The following RHOT1 variants were observed in gnomAD, a reference collection of about 807,000 sequenced individuals.
RHOT1 encodes mitochondrial Rho GTPase 1.
Under a neutral mutation model 95.3 loss-of-function variants are expected in RHOT1, and 27 were observed. The ratio of observed to expected loss-of-function variants is 0.28; its 90% CI spans 0.21 to 0.39. The LOEUF (loss-of-function observed/expected upper bound fraction) is 0.39, where lower values mean the gene tolerates loss of function less well. Ranked by LOEUF, RHOT1 falls within the 10% of genes least tolerant of loss-of-function variation. The pLI is 1.00. For missense variants in RHOT1, 578 were observed against 786.7 expected (o/e 0.73, Z 3.17); for synonymous variants, 227 against 263.5 (o/e 0.86, Z 1.34).
At chr17:32,189,142 C>A (rs2036273706) in intron 8 of RHOT1, among the ~76,000 whole-genome samples, 1 of 151,908 alleles carries the variant, frequency 6.6e-6, no homozygotes, top group African/African-American at 2.4e-5. Context: ...ACTAAAAATA[C>A]AAAAAAATTA....
intron 1 of RHOT1, among the ~76,000 whole-genome samples, chr17:32,168,942 G>A (rs1182978194): frequency 1.3e-5 from 2 of 152,126 alleles, no homozygotes; most frequent in African/African-American, 4.8e-5. Context: ...TGGATTCACG[G>A]ACATCATCAG....
intron 8 of RHOT1, among the ~76,000 whole-genome samples, chr17:32,186,904 C>G (rs1049149074): frequency 6.6e-6 from 1 of 152,186 alleles, no homozygotes; most frequent in African/African-American, 2.4e-5. Flanking sequence ...TCAAACAGTC[C>G]TTCTGCCCCA....
chr17:32,171,181 T>C (rs2034541166), intron 2 of RHOT1, 80 bp downstream of exon 2: 1 of 996,996 alleles, frequency 1.0e-6, no homozygotes, highest in Non-Finnish European at 1.5e-6. Flanking sequence ...CTGTCTCTTT[T>C]GGCATGTGTT....
chr17:32,158,710 A>G (rs1378188465), intron 1 of RHOT1, among the ~76,000 whole-genome samples: 3 of 152,024 alleles, frequency 2.0e-5, no homozygotes, highest in African/African-American at 7.2e-5. Flanking sequence ...CGCCCACCTC[A>G]GCCTCCCAAA....
intron 1 of RHOT1, among the ~76,000 whole-genome samples, chr17:32,154,457 G>T (rs2032710097): frequency 6.6e-6 from 1 of 151,426 alleles, no homozygotes; most frequent in Non-Finnish European, 1.5e-5. Context: ...TGTGGTGGCA[G>T]GCGCCTGTAG....
chr17:32,144,674 T>C (rs1328921447), intron 1 of RHOT1, among the ~76,000 whole-genome samples: 1 of 151,492 alleles, frequency 6.6e-6, no homozygotes, highest in Non-Finnish European at 1.5e-5. Flanking sequence ...TGTAGTGAGA[T>C]CCTGTCTCTA....
At chr17:32,165,733 G>A (rs983331876) in intron 1 of RHOT1, among the ~76,000 whole-genome samples, 1 of 151,946 alleles carries the variant, frequency 6.6e-6, no homozygotes, top group African/African-American at 2.4e-5. Flanking sequence ...TCCAAATAAT[G>A]ACAAACCATA....
intron 11 of RHOT1, among the ~76,000 whole-genome samples, 174 bp from the exon 12 acceptor site, chr17:32,198,773 G>A (rs1187063233): frequency 6.6e-6 from 1 of 152,206 alleles, no homozygotes; most frequent in Non-Finnish European, 1.5e-5. Flanking sequence ...TGACTCTTCT[G>A]AAGAGTGCCA....
chr17:32,195,136 T>C (rs1368345085), intron 11 of RHOT1, among the ~76,000 whole-genome samples: 8 of 151,650 alleles, frequency 5.3e-5, no homozygotes, highest in African/African-American at 1.7e-4. Context: ...TTTTTTTTTT[T>C]CCCTAAGAGA....
At chr17:32,172,702 A>G (rs1462272327) in intron 2 of RHOT1, among the ~76,000 whole-genome samples, 1 of 152,210 alleles carries the variant, frequency 6.6e-6, no homozygotes, top group Non-Finnish European at 1.5e-5. Context: ...ATGGTGGCGC[A>G]TGCCTGTAAT....
At chr17:32,180,697 C>CAAAA (rs34530711) in intron 6 of RHOT1, among the ~76,000 whole-genome samples, 3 of 77,746 alleles carry the variant, frequency 3.9e-5, no homozygotes, top group South Asian at 4.5e-4. Flanking sequence ...TGTTTTAAGC[C>CAAAA]AAAAAAAAAA....
intron 19 of RHOT1, among the ~76,000 whole-genome samples, chr17:32,212,237 A>G (rs904520508): frequency 6.6e-6 from 1 of 152,228 alleles, no homozygotes; most frequent in Admixed American, 6.5e-5. Context: ...CACCAGCAAT[A>G]TAGTGGATGT....
chr17:32,145,750 C>T (rs2031222882), intron 1 of RHOT1, among the ~76,000 whole-genome samples: 1 of 152,156 alleles, frequency 6.6e-6, no homozygotes, highest in African/African-American at 2.4e-5. Context: ...TGTGGTGGCT[C>T]ATGCCTATTA....
intron 1 of RHOT1, among the ~76,000 whole-genome samples, chr17:32,152,587 C>G (rs2032443403): frequency 6.7e-6 from 1 of 149,160 alleles, no homozygotes. Flanking sequence ...TCCACTTCTG[C>G]TCTGAAAAAA....
chr17:32,169,065 A>G (rs1191085680), intron 1 of RHOT1, among the ~76,000 whole-genome samples: 1 of 152,172 alleles, frequency 6.6e-6, no homozygotes, highest in Non-Finnish European at 1.5e-5. Flanking sequence ...CTGTTAAATC[A>G]TCTGATCTAT....
chr17:32,193,102 T>G (rs766683892), intron 9 of RHOT1, 34 bp from the exon 10 acceptor site: 7 of 1,338,042 alleles, frequency 5.2e-6, no homozygotes, highest in Non-Finnish European at 6.4e-6. Flanking sequence ...TAACGCTGGT[T>G]TGTTTTTAAA....
intron 18 of RHOT1, chr17:32,209,570 G>C (rs35910231): frequency 3.4e-6 from 2 of 581,942 alleles, no homozygotes; most frequent in Non-Finnish European, 6.1e-6. Context: ...GCTTGGTCAG[G>C]CTTCCTGCCT....
rs376323112 is a variant in RHOT1 at position 32,204,368 on chromosome 17, T to C, written c.1416+395T>C. Among the ~76,000 whole-genome samples, 15 of 151,876 alleles carry C rather than the reference T, an allele frequency of 9.9e-5. No homozygotes were observed. The East Asian group carries it at 2.5e-3, about 26-fold the overall frequency. On this transcript the variant is annotated intron_variant, in intron 16 of 19. Coordinates refer to ENST00000545287, the MANE Select transcript of RHOT1 (RefSeq NM_001033566.3). ...GAGTTTGAGACCAGCCTGACCAACA[T>C]GGAGAAACCCCGTCTCTACTAAAAA... is the stretch of plus-strand genomic sequence containing the variant.
chr17:32,145,739 G>C (rs527934188), intron 1 of RHOT1, among the ~76,000 whole-genome samples: 1 of 152,246 alleles, frequency 6.6e-6, no homozygotes, highest in South Asian at 2.1e-4. Context: ...AATGAGCCAG[G>C]TGTGGTGGCT....
Sources: gnomAD v4.1 joint callset for allele counts (sites outside exome capture counted in the v4.1 genomes callset) on GRCh38, gnomAD v4.1.1 for gene constraint, MANE v1.5 for transcripts, NCBI Gene and HGNC (gene_info 2026-07-23, HGNC 2026-07-21) for gene names.